The following TINAG variants were observed in gnomAD, a reference collection of about 807,000 sequenced individuals.
TINAG encodes the protein tubulointerstitial nephritis antigen.
In TINAG, 83 loss-of-function variants were observed where a neutral mutation model predicts 72.7. The observed-to-expected ratio is 1.14, with a 90% confidence interval of 0.96 to 1.37. TINAG has a LOEUF of 1.37. Ranked by LOEUF, TINAG falls within the 40% of genes most tolerant of loss-of-function variation. The probability of loss-of-function intolerance (pLI) is 0.00; values close to 1 mark genes in which losing one functional copy is unlikely to be tolerated. For synonymous variants in TINAG, 234 were observed against 189.9 expected (o/e 1.23, Z -1.91); for missense variants, 685 against 576.6 (o/e 1.19, Z -1.93).
intron 9 of TINAG, among the ~76,000 whole-genome samples, chr6:54,361,412 G>T (rs1763233209): frequency 1.3e-5 from 2 of 151,690 alleles, no homozygotes; most frequent in African/African-American, 4.8e-5. Context: ...TGGCCAAAGG[G>T]CAAAGGAGAA....
intron 4 of TINAG, among the ~76,000 whole-genome samples, chr6:54,339,910 T>A (rs1397883506): frequency 6.6e-6 from 1 of 152,116 alleles, no homozygotes; most frequent in Non-Finnish European, 1.5e-5. Flanking sequence ...ACTGAAAATA[T>A]AGGGCTGATG....
intron 10 of TINAG, among the ~76,000 whole-genome samples, chr6:54,384,607 T>A (rs532328739): frequency 3.5e-4 from 54 of 152,210 alleles, no homozygotes; most frequent in African/African-American, 1.2e-3. Context: ...ATGATGAAGA[T>A]AACGTGCCAA....
chr6:54,370,072 T>A (rs899287194), intron 9 of TINAG: 2 of 152,066 alleles, frequency 1.3e-5, no homozygotes, highest in Non-Finnish European at 2.9e-5. Context: ...TGTGGAATGT[T>A]GCTGAGATGT....
At chr6:54,331,767 GATGTAAATCA>G (rs1426558538) in intron 4 of TINAG, among the ~76,000 whole-genome samples, 2 of 136,956 alleles carry the variant, frequency 1.5e-5, no homozygotes, top group Non-Finnish European at 3.0e-5. Context: ...AAAGTCTTAG[GATGTAAATCA>G]ATGTGAAAAA....
At chr6:54,366,517 T>A (rs568626218) in intron 9 of TINAG, among the ~76,000 whole-genome samples, 87 of 151,106 alleles carry the variant, frequency 5.8e-4, no homozygotes, top group Non-Finnish European at 9.9e-4. Flanking sequence ...ACATGTCAAG[T>A]ACCATGGCAG....
intron 4 of TINAG, 23 bp downstream of exon 4, chr6:54,326,939 G>A (rs752360078): frequency 1.9e-6 from 3 of 1,612,666 alleles, no homozygotes; most frequent in Admixed American, 1.7e-5. Context: ...TCTGATTCAC[G>A]TATGTGCATG....
chr6:54,356,918 TA>T (rs35183858), intron 9 of TINAG, among the ~76,000 whole-genome samples: 11 of 147,226 alleles, frequency 7.5e-5, no homozygotes, highest in Admixed American at 3.4e-4. Flanking sequence ...TCCCTCAGAT[TA>T]AAAAAAAAAA....
intron 2 of TINAG, 38 bp downstream of exon 2, chr6:54,320,680 T>G: frequency 6.7e-7 from 1 of 1,489,202 alleles, no homozygotes; most frequent in South Asian, 1.3e-5. Flanking sequence ...AGTTCTACTG[T>G]GTGTGTATGT....
At chr6:54,311,475 T>C (rs984170805) in intron 1 of TINAG, among the ~76,000 whole-genome samples, 6 of 152,342 alleles carry the variant, frequency 3.9e-5, no homozygotes, top group African/African-American at 1.2e-4. Context: ...CTCTCAGAAG[T>C]AGCTGCATTA....
At chr6:54,379,122 G>T (rs1297767400) in intron 9 of TINAG, among the ~76,000 whole-genome samples, 10 of 152,180 alleles carry the variant, frequency 6.6e-5, no homozygotes, top group African/African-American at 2.4e-4. Context: ...GAGCCCTGCT[G>T]TTGGAAGTTT....
In TINAG at chr6:54,320,617, GTAAT is replaced by G. The variant is rs1245732653; in HGVS notation, c.398_401del (p.Ile133LysfsTer27). ...TGGTCAACATTATGAAGAGGGATCA[GTAAT>G]TAAAGAAAACTGCAACTCCTGGTAA... On this transcript the variant is annotated frameshift_variant, in exon 2 of 11. Transcript: ENST00000259782. LOFTEE classifies it high-confidence loss of function. 6.2e-7 allele frequency: 1 copy of G among 1,608,454 alleles called. No homozygotes were observed. Among genetic ancestry groups the G allele is most frequent in the Admixed American group, 1.7e-5 (1 of 59,742 alleles).
chr6:54,325,058 C>G (rs1784573115), intron 3 of TINAG, among the ~76,000 whole-genome samples: 1 of 152,224 alleles, frequency 6.6e-6, no homozygotes, highest in Non-Finnish European at 1.5e-5. Context: ...AACCTGCATG[C>G]TTTGCTCAAG....
intron 1 of TINAG, among the ~76,000 whole-genome samples, chr6:54,318,438 G>A (rs1348171729): frequency 6.6e-6 from 1 of 152,050 alleles, no homozygotes; most frequent in African/African-American, 2.4e-5. Context: ...TCATTCACCA[G>A]ATTCAATCCA....
chr6:54,343,310 CA>C lies in TINAG; in HGVS notation c.716del (p.Asn239IlefsTer18), dbSNP rs763463772. On this transcript the variant is annotated frameshift_variant, in exon 5 of 11. Transcript: ENST00000259782. LOFTEE classifies it high-confidence loss of function. ...WPGWTHGPLD[Q>X]KNCAASWAFS... is the part of the protein sequence containing the mutation. ...TGGATGGACTCATGGCCCATTGGAT[CA>C]AAAAAATTGTGCTGCATCCTGGGCA... 3.4e-5 allele frequency: 54 copies of C among 1,565,224 alleles called. No individual in the cohort carries two copies. Among genetic ancestry groups the C allele is most frequent in the South Asian group, 2.0e-4 (16 of 81,246 alleles).
At chr6:54,388,327 T>C (rs1216825158) in intron 10 of TINAG, among the ~76,000 whole-genome samples, 2 of 152,188 alleles carry the variant, frequency 1.3e-5, no homozygotes, top group African/African-American at 2.4e-5. Context: ...AAATGATAAA[T>C]TGAACTTACA....
chr6:54,353,839 A>G (rs1258271827), intron 8 of TINAG, among the ~76,000 whole-genome samples: 1 of 151,862 alleles, frequency 6.6e-6, no homozygotes, highest in Non-Finnish European at 1.5e-5. Context: ...CATATCTTCT[A>G]TAAGAGAAGT....
intron 8 of TINAG, among the ~76,000 whole-genome samples, chr6:54,351,911 G>T (rs1317863306): frequency 1.3e-5 from 2 of 151,772 alleles, no homozygotes; most frequent in Admixed American, 1.3e-4. Flanking sequence ...TTTCAATTTT[G>T]ATCAATTTTG....
intron 4 of TINAG, among the ~76,000 whole-genome samples, chr6:54,334,697 C>T (rs984321101): frequency 6.6e-5 from 10 of 152,108 alleles, no homozygotes; most frequent in African/African-American, 2.4e-4. Context: ...AAATTATTTC[C>T]CCTTAGTAGA....
At chr6:54,362,227 C>T (rs749626352) in intron 9 of TINAG, among the ~76,000 whole-genome samples, 22 of 151,702 alleles carry the variant, frequency 1.5e-4, no homozygotes, top group Non-Finnish European at 2.5e-4. Context: ...AAAGATGAGA[C>T]ATCAGTGCCT....
Sources: gnomAD v4.1 joint callset for allele counts (sites outside exome capture counted in the v4.1 genomes callset) on GRCh38, gnomAD v4.1.1 for gene constraint, MANE v1.5 for transcripts, NCBI Gene and HGNC (gene_info 2026-07-23, HGNC 2026-07-21) for gene names.